WWC2: variants seen among roughly 807,000 people sequenced by gnomAD.
The protein encoded by WWC2 is protein WWC2.
Under a neutral mutation model 138.5 loss-of-function variants are expected in WWC2, and 101 were observed. The ratio of observed to expected loss-of-function variants is 0.73; its 90% confidence interval spans 0.62 to 0.86. WWC2 has a LOEUF of 0.86. WWC2 is among the 40% of genes least tolerant of loss of function. The probability of loss-of-function intolerance (pLI) is 0.00; values close to 1 mark genes in which losing one functional copy is unlikely to be tolerated. For synonymous variants in WWC2, 558 were observed against 538.4 expected (o/e 1.04, Z -0.50); for missense variants, 1,420 against 1,419.4 (o/e 1.00, Z -0.01).
intron 1 of WWC2, among the ~76,000 whole-genome samples, chr4:183,154,382 C>T (rs766735335): frequency 6.6e-6 from 1 of 152,108 alleles, no homozygotes; most frequent in Admixed American, 6.5e-5. Flanking sequence ...AGTGTGATGA[C>T]CTTAAGTTGT....
At chr4:183,297,676 C>T (rs934470152) in intron 21 of WWC2, among the ~76,000 whole-genome samples, 2 of 152,194 alleles carry the variant, frequency 1.3e-5, no homozygotes, top group African/African-American at 2.4e-5. Context: ...TCCCAAAGTG[C>T]TGGGATTACA....
At chr4:183,118,351 A>G (rs1193385626) in intron 1 of WWC2, among the ~76,000 whole-genome samples, 1 of 152,160 alleles carries the variant, frequency 6.6e-6, no homozygotes, top group Non-Finnish European at 1.5e-5. Flanking sequence ...TTAAAGAGGA[A>G]TCTTTTCATT....
In WWC2 at chr4:183,220,641, T is replaced by C. The variant is rs142038768; in HGVS notation, c.522+11616T>C. On this transcript the variant is annotated intron_variant, in intron 4 of 22. Coordinates refer to ENST00000403733, the MANE Select transcript of WWC2 (RefSeq NM_024949.6). ...CAAGGTCAGGAGATTGAGACCATCC[T>C]GGCTAACACAGTGAAACGCCATCTC... Among the ~76,000 whole-genome samples, 141 of 151,868 alleles carry C rather than the reference T, an allele frequency of 9.3e-4. 2 individuals are homozygous for C. The East Asian group carries it at 0.012, about 13-fold the overall frequency.
intron 4 of WWC2, among the ~76,000 whole-genome samples, chr4:183,234,670 C>T (rs567346748): frequency 9.9e-5 from 15 of 151,818 alleles, no homozygotes; most frequent in South Asian, 2.1e-4. Context: ...CTTTAGGTCC[C>T]GGGTTCTTTA....
At chr4:183,204,214 T>C (rs1735382376) in intron 2 of WWC2, among the ~76,000 whole-genome samples, 1 of 152,238 alleles carries the variant, frequency 6.6e-6, no homozygotes. Flanking sequence ...TCTTCACTTG[T>C]CAGTCATTGG....
chr4:183,106,143 C>T (rs1227322535), intron 1 of WWC2, among the ~76,000 whole-genome samples: 1 of 151,904 alleles, frequency 6.6e-6, no homozygotes, highest in East Asian at 2.0e-4. Context: ...GCCACCACGC[C>T]CAGCTAGTTT....
chr4:183,223,536 T>A (rs1735985106), intron 4 of WWC2, among the ~76,000 whole-genome samples: 1 of 152,242 alleles, frequency 6.6e-6, no homozygotes, highest in Non-Finnish European at 1.5e-5. Flanking sequence ...AGAAAGTAAC[T>A]ACAATGCCAT....
At chr4:183,236,883 T>C (rs777610663) in intron 4 of WWC2, among the ~76,000 whole-genome samples, 1 of 152,202 alleles carries the variant, frequency 6.6e-6, no homozygotes, top group Non-Finnish European at 1.5e-5. Context: ...TTCCAATCCA[T>C]GAACATGGTC....
At chr4:183,297,907 A>C (rs1440675569) in intron 21 of WWC2, among the ~76,000 whole-genome samples, 1 of 152,212 alleles carries the variant, frequency 6.6e-6, no homozygotes, top group Non-Finnish European at 1.5e-5. Flanking sequence ...CCATGTGCAC[A>C]TATGGCTGCC....
chr4:183,163,712 A>G (rs952383080), intron 1 of WWC2, among the ~76,000 whole-genome samples: 2 of 152,116 alleles, frequency 1.3e-5, no homozygotes, highest in African/African-American at 4.8e-5. Context: ...TGATTGTGTT[A>G]CTGTATGTGG....
intron 1 of WWC2, among the ~76,000 whole-genome samples, chr4:183,151,716 A>T (rs111811369): frequency 6.6e-6 from 1 of 152,116 alleles, no homozygotes; most frequent in Non-Finnish European, 1.5e-5. Context: ...TAATTTTTGT[A>T]TAAGGTGTAA....
At chr4:183,165,416 G>A (rs1363331328) in intron 1 of WWC2, among the ~76,000 whole-genome samples, 3 of 152,176 alleles carry the variant, frequency 2.0e-5, no homozygotes, top group Non-Finnish European at 2.9e-5. Flanking sequence ...CTAGGCTTGA[G>A]AAGCTGTTTA....
chr4:183,259,626 T>G lies in WWC2; in HGVS notation c.1197-13T>G, dbSNP rs1022368536. 6.7e-6 allele frequency: 10 copies of G among 1,497,386 alleles called. No homozygotes were observed. The African/African-American group carries it at 1.3e-4, about 19-fold the overall frequency. The allele number at this position is 1,497,386 out of a possible 1,614,324, so 92.8% of individuals were successfully genotyped here. A position where few individuals can be genotyped will look rare whatever the true frequency, so the allele number is the denominator to read the frequency against. ...TGTTATAATCATTTGAAAATAATTT[T>G]TTTTCTTCCTAGATTGAGATTGGAA... On this transcript the variant is annotated splice_polypyrimidine_tract_variant and intron_variant, in intron 9 of 22. Coordinates refer to ENST00000403733, the MANE Select transcript of WWC2 (RefSeq NM_024949.6).
chr4:183,269,224 A>G (rs1477045945), intron 15 of WWC2, 61 bp downstream of exon 15: 4 of 1,521,792 alleles, frequency 2.6e-6, no homozygotes, highest in Non-Finnish European at 3.6e-6. Context: ...CTGAGGATAT[A>G]CTTTGTAGTT....
chr4:183,276,630 G>A (rs145419505), intron 16 of WWC2, among the ~76,000 whole-genome samples: 2 of 152,012 alleles, frequency 1.3e-5, no homozygotes, highest in Non-Finnish European at 2.9e-5. Flanking sequence ...TCACAAGATA[G>A]TATTATTGTT....
chr4:183,196,449 ATTTCTGTAATAGTC>A (rs1192992373), intron 2 of WWC2, among the ~76,000 whole-genome samples: 1 of 151,998 alleles, frequency 6.6e-6, no homozygotes, highest in African/African-American at 2.4e-5. Context: ...TGCTGTCAGG[ATTTCTGTAATAGTC>A]TTTAGTCTTC....
chr4:183,195,201 A>T (rs1459417470), intron 2 of WWC2, among the ~76,000 whole-genome samples: 1 of 152,228 alleles, frequency 6.6e-6, no homozygotes, highest in Non-Finnish European at 1.5e-5. Flanking sequence ...CAAATAAACA[A>T]GTCAGTGAAA....
At chr4:183,129,056 A>G (rs760219856) in intron 1 of WWC2, among the ~76,000 whole-genome samples, 56 of 152,208 alleles carry the variant, frequency 3.7e-4, no homozygotes, top group Non-Finnish European at 4.7e-4. Flanking sequence ...GTGTGACCTG[A>G]TTTTTGAAAA....
chr4:183,277,936 A>G (rs2111395538), intron 16 of WWC2, among the ~76,000 whole-genome samples: 1 of 150,924 alleles, frequency 6.6e-6, no homozygotes, highest in South Asian at 2.1e-4. Flanking sequence ...TTGCCTGTTC[A>G]CTCTGATGGT....
Sources: allele counts gnomAD v4.1 joint callset (sites outside exome capture counted in the v4.1 genomes callset), GRCh38; gene constraint gnomAD v4.1.1; transcripts MANE v1.5; gene names NCBI Gene and HGNC (gene_info 2026-07-23, HGNC 2026-07-21).